The following TOR1AIP2 variants were observed in gnomAD, a reference collection of about 807,000 sequenced individuals.
TOR1AIP2 encodes the protein torsin-1A-interacting protein 2.
In TOR1AIP2, 20 loss-of-function variants were observed where a neutral mutation model predicts 32.6. The observed-to-expected ratio is 0.61, with a 90% CI of 0.43 to 0.89. The LOEUF is 0.89. Ranked by LOEUF, TOR1AIP2 falls within the 40% of genes least tolerant of loss-of-function variation. The pLI is 0.00. For synonymous variants in TOR1AIP2, 214 were observed against 210.8 expected (o/e 1.02, Z -0.13); for missense variants, 456 against 553.8 (o/e 0.82, Z 1.77).
At chr1:179,866,261 A>C (rs1696766432) in intron 2 of TOR1AIP2, among the ~76,000 whole-genome samples, 1 of 142,598 alleles carries the variant, frequency 7.0e-6, no homozygotes, top group Non-Finnish European at 1.5e-5. Context: ...CAATCCATCC[A>C]AAAAAAAAAA....
chr1:179,861,398 T>A, intron 3 of TOR1AIP2: 1 of 985,480 alleles, frequency 1.0e-6, no homozygotes, highest in Non-Finnish European at 1.2e-6. Context: ...CTCAATTTTC[T>A]CCTTTGCTCA....
intron 4 of TOR1AIP2, among the ~76,000 whole-genome samples, chr1:179,851,636 T>A (rs1696119785): frequency 6.6e-6 from 1 of 152,142 alleles, no homozygotes; most frequent in Non-Finnish European, 1.5e-5. Context: ...TCTTCCCTAA[T>A]GAAAGGCAAT....
In TOR1AIP2 at chr1:179,846,393, A is replaced by C; in HGVS notation, c.1091T>G (p.Val364Gly). ...GFENGQKAAV[V>G]HHFESFPAGS... ...GGCAGGGAAGGATTCGAAGTGGTGT[A>C]CCACAGCAGCCTTCTGGCCATTCTC... The change falls in exon 7 of 7, where the codon GTA becomes GGA. Residue 364 changes from valine to glycine, a missense_variant. Physicochemically the swap from Val to Gly is moderately radical, Grantham distance 109 (BLOSUM62 -3). Coordinates refer to ENST00000609928, the MANE Select transcript of TOR1AIP2 (RefSeq NM_001199260.2). 6.2e-7 allele frequency: 1 copy of C among 1,614,194 alleles called. No homozygotes were observed. Among genetic ancestry groups the C allele is most frequent in the Non-Finnish European group, 8.5e-7 (1 of 1,180,034 alleles).
At chr1:179,856,492 T>C (rs960267748) in intron 3 of TOR1AIP2, among the ~76,000 whole-genome samples, 6 of 152,230 alleles carry the variant, frequency 3.9e-5, no homozygotes, top group Non-Finnish European at 7.3e-5. Flanking sequence ...CTGTTCATAG[T>C]TGAAATGGCA....
chr1:179,860,211 G>A (rs756479602), intron 3 of TOR1AIP2: 10 of 985,176 alleles, frequency 1.0e-5, no homozygotes, highest in South Asian at 4.7e-5. Context: ...CGGTGGACAC[G>A]GCGGCTCATG....
chr1:179,848,499 C>T (rs958695302), intron 5 of TOR1AIP2, among the ~76,000 whole-genome samples: 13 of 152,210 alleles, frequency 8.5e-5, no homozygotes, highest in Admixed American at 3.9e-4. Flanking sequence ...AGAAAATTCA[C>T]GAAATATGTA....
At chr1:179,869,344 G>A (rs914218534) in intron 2 of TOR1AIP2, 1 of 152,108 alleles carries the variant, frequency 6.6e-6, no homozygotes, top group Non-Finnish European at 1.5e-5. Flanking sequence ...TACCTCTGAT[G>A]GGAGAGGGAA....
chr1:179,877,038 C>T (rs1208697434), intron 2 of TOR1AIP2, among the ~76,000 whole-genome samples: 1 of 150,786 alleles, frequency 6.6e-6, no homozygotes, highest in Non-Finnish European at 1.5e-5. Context: ...TTATGAATGT[C>T]GAGAACCTAG....
chr1:179,851,576 T>C (rs1041175040), intron 4 of TOR1AIP2, among the ~76,000 whole-genome samples: 5 of 152,076 alleles, frequency 3.3e-5, no homozygotes, highest in African/African-American at 9.7e-5. Flanking sequence ...GACACTAATA[T>C]AAAACAAATT....
chr1:179,841,212 A>G lies in TOR1AIP2; in HGVS notation c.*4859T>C, dbSNP rs1409853590. On this transcript the variant is annotated 3_prime_UTR_variant, in exon 7 of 7. Transcript: ENST00000609928. ...CCCATTGGACAAGTGATAGTGTTCA[A>G]GCTACTTGACTTGTGAAAAACAAAA... 6.6e-6 allele frequency: 1 copy of G among 152,216 alleles called. No homozygotes were observed. The highest frequency in any genetic ancestry group is 1.5e-5 in the Non-Finnish European group (1 of 68,034). 9.4% of individuals were successfully genotyped at this position (152,216 alleles called of 1,614,324 possible).
chr1:179,860,880 T>C, intron 3 of TOR1AIP2: 8 of 985,464 alleles, frequency 8.1e-6, no homozygotes, highest in Non-Finnish European at 9.6e-6. Flanking sequence ...TACAGACAGC[T>C]ATGACATGTG....
At chr1:179,864,735 C>T (rs370836511) in intron 3 of TOR1AIP2, 1 of 1,521,438 alleles carries the variant, frequency 6.6e-7, no homozygotes, top group East Asian at 2.3e-5. Context: ...CCTTGGGCTA[C>T]CTACACAAAA....
At position 179,846,563 on chromosome 1, in the gene TOR1AIP2, G is replaced by A; in HGVS notation, c.921C>T (p.Thr307=). 1.2e-6 allele frequency: 2 copies of A among 1,614,086 alleles called. No homozygotes were observed. The highest frequency in any genetic ancestry group is 1.7e-6 in the Non-Finnish European group (2 of 1,180,006). The change falls in exon 7 of 7, where the codon ACC becomes ACT. Residue 307 remains threonine, a synonymous_variant. Transcript: ENST00000609928. ...IFTAAREGRE[T]LKCLSHHVAD... ...CAACATGGTGGCTCAGGCACTTCAGGGTCTCTCTTCCCTCCCGAGCTGCTG... is the reference window on the plus strand; with the variant it reads ...CAACATGGTGGCTCAGGCACTTCAGAGTCTCTCTTCCCTCCCGAGCTGCTG...
At position 179,846,288 on chromosome 1, in the gene TOR1AIP2, A is replaced by G; in HGVS notation, c.1196T>C (p.Leu399Pro). Residue 399 changes from leucine to proline, a missense_variant, in exon 7 of 7, where the codon CTG becomes CCG. Physicochemically the swap from Leu to Pro is moderately conservative, Grantham distance 98. Coordinates refer to ENST00000609928, the MANE Select transcript of TOR1AIP2 (RefSeq NM_001199260.2). ...FKDVALVLTV[L>P]LEEETLEASV... ...TGCTTCTAATGTTTCCTCCTCTAGC[A>G]GAACAGTCAGGACCAGGGCCACATC... The G allele has an allele frequency of 6.2e-7, 1 of 1,614,218 alleles. No individual in the cohort carries two copies. The highest frequency in any genetic ancestry group is 8.5e-7 in the Non-Finnish European group (1 of 1,180,034).
Position 179,851,432 on chromosome 1 carries a change from C to T in TOR1AIP2, c.35-69G>A, listed in dbSNP as rs540008810. 5.1e-5 allele frequency: 59 copies of T among 1,165,470 alleles called. 1 individual carries two copies. The South Asian group carries it at 9.2e-4, about 18-fold the overall frequency. 72.2% of individuals were successfully genotyped at this position (1,165,470 alleles called of 1,614,324 possible). Reference sequence around the variant, plus strand: ...CATAAATTTATATTTTAACAAGGTCCCTGTTTAATAATAATATTTACATAG... The same window carrying T: ...CATAAATTTATATTTTAACAAGGTCTCTGTTTAATAATAATATTTACATAG... On this transcript the variant is annotated intron_variant, in intron 4 of 6. Coordinates refer to ENST00000609928, the MANE Select transcript of TOR1AIP2 (RefSeq NM_001199260.2).
rs531851074 is a variant in TOR1AIP2, at chr1:179,861,081, C to G, written c.-147+4355G>C. 6.4e-5 allele frequency: 63 copies of G among 985,378 alleles called. No individual in the cohort carries two copies. The East Asian group carries it at 6.5e-3, about 101-fold the overall frequency. The allele number at this position is 985,378 out of a possible 1,614,324, so 61.0% of individuals were successfully genotyped here. A position where few individuals can be genotyped will look rare whatever the true frequency, so the allele number is the denominator to read the frequency against. On this transcript the variant is annotated intron_variant, in intron 3 of 6. Coordinates refer to ENST00000609928, the MANE Select transcript of TOR1AIP2 (RefSeq NM_001199260.2). ...TCCATTAACCTTTTCACTCCCTGGA[C>G]TGCCATAAAATAACAGGGAGTAGTT...
intron 2 of TOR1AIP2, chr1:179,868,341 C>G (rs188351099): frequency 6.6e-6 from 1 of 152,256 alleles, no homozygotes; most frequent in Non-Finnish European, 1.5e-5. Flanking sequence ...TATAAACTCC[C>G]TGAAAGCAGG....
intron 3 of TOR1AIP2, chr1:179,860,143 A>C (rs1348772869): frequency 7.1e-6 from 7 of 985,260 alleles, no homozygotes; most frequent in Non-Finnish European, 8.4e-6. Context: ...CCAGCCAATA[A>C]GTTTATAATA....
At chr1:179,858,153 A>C (rs1558016651) in intron 3 of TOR1AIP2, among the ~76,000 whole-genome samples, 2 of 152,148 alleles carry the variant, frequency 1.3e-5, no homozygotes, top group East Asian at 3.9e-4. Context: ...TCGGGGGAAA[A>C]AAACAAACAA....
Sources: allele counts gnomAD v4.1 joint callset (sites outside exome capture counted in the v4.1 genomes callset), GRCh38; gene constraint gnomAD v4.1.1; transcripts MANE v1.5; gene names NCBI Gene and HGNC (gene_info 2026-07-23, HGNC 2026-07-21).